FAF1: variants seen among roughly 807,000 people sequenced by gnomAD.
FAF1 encodes the protein FAS-associated factor 1.
FAF1 carries 25 observed loss-of-function variants against 92.5 expected under a neutral mutation model. The ratio of observed to expected loss-of-function variants is 0.27; its 90% CI spans 0.20 to 0.38. The LOEUF (loss-of-function observed/expected upper bound fraction) is 0.38. Among genes scored for constraint, FAF1 ranks in the 10% least tolerant of loss-of-function variants. The pLI is 1.00. For synonymous variants in FAF1, 234 were observed against 273.2 expected, an observed-to-expected ratio of 0.86 and a Z score of 1.42; for missense variants, 636 against 793.3, an observed-to-expected ratio of 0.80 and a Z score of 2.38.
At chr1:50,593,983 G>A (rs1651659231) in intron 9 of FAF1, among the ~76,000 whole-genome samples, 1 of 152,142 alleles carries the variant, frequency 6.6e-6, no homozygotes. Flanking sequence ...ACTAGCCTAA[G>A]CTTTTAAATA....
intron 2 of FAF1, among the ~76,000 whole-genome samples, chr1:50,828,547 G>T (rs1171464834): frequency 6.6e-6 from 1 of 152,102 alleles, no homozygotes; most frequent in Non-Finnish European, 1.5e-5. Context: ...GGGATTACAG[G>T]CCTGAGCCAC....
intron 4 of FAF1, among the ~76,000 whole-genome samples, chr1:50,759,308 C>A (rs569544844): frequency 4.6e-5 from 6 of 129,856 alleles, no homozygotes; most frequent in East Asian, 2.7e-4. Flanking sequence ...CCCTCCCCCC[C>A]ACCCCACAAC....
At chr1:50,502,995 T>C (rs1473539484) in intron 15 of FAF1, among the ~76,000 whole-genome samples, 2 of 151,926 alleles carry the variant, frequency 1.3e-5, no homozygotes, top group African/African-American at 2.4e-5. Context: ...GGCTAATTAT[T>C]CTAATTATTA....
intron 8 of FAF1, among the ~76,000 whole-genome samples, chr1:50,614,519 GTAA>G (rs141811210): frequency 1.3e-5 from 2 of 151,614 alleles, no homozygotes. Context: ...TCAACACATA[GTAA>G]TATTAGAAAT....
At chr1:50,778,781 C>T (rs1288633765) in intron 4 of FAF1, among the ~76,000 whole-genome samples, 1 of 151,978 alleles carries the variant, frequency 6.6e-6, no homozygotes, top group African/African-American at 2.4e-5. Context: ...GAGTGTGCCA[C>T]TGCACTTCAG....
chr1:50,479,850 C>T (rs1043641405), intron 17 of FAF1, among the ~76,000 whole-genome samples: 7 of 152,086 alleles, frequency 4.6e-5, no homozygotes, highest in African/African-American at 4.8e-5. Context: ...TGAAGAGATA[C>T]GAGGTAAATC....
intron 6 of FAF1, among the ~76,000 whole-genome samples, chr1:50,706,875 T>G (rs1485082357): frequency 6.6e-6 from 1 of 152,156 alleles, no homozygotes; most frequent in Non-Finnish European, 1.5e-5. Context: ...CATCTGTAAC[T>G]ATGTGACAAA....
chr1:50,516,830 A>G (rs1202586000), intron 15 of FAF1, among the ~76,000 whole-genome samples: 1 of 152,196 alleles, frequency 6.6e-6, no homozygotes, highest in Non-Finnish European at 1.5e-5. Context: ...CTTTCCAGAT[A>G]AGAGATTTTC....
chr1:50,539,663 GT>G lies in FAF1; in HGVS notation c.1333del (p.Thr445ArgfsTer8). 1 of 1,611,892 alleles carries G rather than the reference GT, an allele frequency of 6.2e-7. No homozygotes were observed. The highest frequency in any genetic ancestry group is 8.5e-7 in the Non-Finnish European group (1 of 1,178,262). On this transcript the variant is annotated frameshift_variant, in exon 14 of 19. Coordinates refer to ENST00000396153, the MANE Select transcript of FAF1 (RefSeq NM_007051.3). LOFTEE classifies it high-confidence loss of function. ...VVAQTIRTQK[T>X]DQFPLFLIIM... is the part of the protein sequence containing the mutation. ...AATCAGGAAAAGCGGAAACTGATCC[GT>G]TTTTTGAGTCCGAATGGTTTGTGCC...
chr1:50,519,370 A>AGGGAGGGAGGGAG (rs1557978753), intron 15 of FAF1, among the ~76,000 whole-genome samples: 2 of 99,570 alleles, frequency 2.0e-5, no homozygotes, highest in African/African-American at 9.2e-5. Context: ...GAAGGAAGGA[A>AGGGAGGGAGGGAG]GGAGGGAGGG....
At chr1:50,643,424 TTTTAATGGGAACTG>T (rs1183184376) in intron 8 of FAF1, among the ~76,000 whole-genome samples, 1 of 152,180 alleles carries the variant, frequency 6.6e-6, no homozygotes, top group Non-Finnish European at 1.5e-5. Context: ...AAAATTTATC[TTTTAATGGGAACTG>T]TTTAATGGGA....
chr1:50,613,069 T>C (rs886502749), intron 8 of FAF1, among the ~76,000 whole-genome samples: 1 of 152,212 alleles, frequency 6.6e-6, no homozygotes, highest in Non-Finnish European at 1.5e-5. Flanking sequence ...TGCTCTAACT[T>C]ATATGGGTAC....
chr1:50,748,327 C>T (rs1269358170), intron 4 of FAF1, among the ~76,000 whole-genome samples: 3 of 151,534 alleles, frequency 2.0e-5, no homozygotes, highest in Non-Finnish European at 4.4e-5. Context: ...GAAACCCTGT[C>T]TCTACTAAAA....
rs544487108 is a variant in FAF1, at chr1:50,714,880, A to G, written c.552-8989T>C. The G allele has an allele frequency of 1.6e-5, 4 of 257,814 alleles. No individual in the cohort carries two copies. The Admixed American group carries it at 1.8e-4, about 11-fold the overall frequency. The allele number at this position is 257,814 out of a possible 1,614,324, so 16.0% of individuals were successfully genotyped here. The stretch of plus-strand genomic sequence containing the variant: ...CTTGATTTCAGAGCAGACGTAGGCC[A>G]AGAAACCATAGCATTGAGTGTCCTG... On this transcript the variant is annotated intron_variant, in intron 6 of 18. Coordinates refer to ENST00000396153, the MANE Select transcript of FAF1 (RefSeq NM_007051.3).
chr1:50,911,920 C>G (rs1266056224), intron 1 of FAF1, among the ~76,000 whole-genome samples: 1 of 151,732 alleles, frequency 6.6e-6, no homozygotes, highest in African/African-American at 2.4e-5. Flanking sequence ...CCCTGTAGTC[C>G]CAGCTACTCA....
intron 2 of FAF1, among the ~76,000 whole-genome samples, chr1:50,844,248 T>C (rs1374928310): frequency 3.9e-5 from 6 of 152,172 alleles, no homozygotes; most frequent in East Asian, 1.9e-4. Context: ...TGCAGTTGAG[T>C]TGAATTCCTT....
At position 50,696,448 on chromosome 1, in the gene FAF1, A is replaced by G. The variant is rs538948536; in HGVS notation, c.657+9338T>C. Among the ~76,000 whole-genome samples the G allele has an allele frequency of 2.6e-5, 4 of 152,266 alleles. No homozygotes were observed. The South Asian group carries it at 8.3e-4, about 32-fold the overall frequency. The stretch of plus-strand genomic sequence containing the variant: ...TTCTTCATTAGATTCTTTTTAATCA[A>G]CCCCAACAAACATTTGCCTTTGATT... On this transcript the variant is annotated intron_variant, in intron 7 of 18. Transcript: ENST00000396153.
intron 4 of FAF1, among the ~76,000 whole-genome samples, chr1:50,771,808 G>A (rs1660784067): frequency 6.6e-6 from 1 of 152,192 alleles, no homozygotes; most frequent in Admixed American, 6.5e-5. Context: ...GGCTGAGGCA[G>A]GGGAATTGCT....
intron 7 of FAF1, among the ~76,000 whole-genome samples, chr1:50,676,621 G>C (rs1656133320): frequency 1.3e-5 from 2 of 152,066 alleles, no homozygotes; most frequent in Admixed American, 1.3e-4. Flanking sequence ...AGGAGTTCAA[G>C]ACCAGCCCTG....
Sources: gnomAD v4.1 joint callset for allele counts (sites outside exome capture counted in the v4.1 genomes callset) on GRCh38, gnomAD v4.1.1 for gene constraint, MANE v1.5 for transcripts, NCBI Gene and HGNC (gene_info 2026-07-23, HGNC 2026-07-21) for gene names.